Variants in CNTNAP5 observed in about 807,000 individuals in gnomAD.
CNTNAP5 encodes contactin-associated protein-like 5.
Under a neutral mutation model 150.2 loss-of-function variants are expected in CNTNAP5, and 72 were observed. That is an observed-to-expected ratio of 0.48 (90% CI 0.40 to 0.58). CNTNAP5 has a LOEUF of 0.58. CNTNAP5 is among the 20% of genes least tolerant of loss of function. CNTNAP5 has a pLI of 0.00. For synonymous variants in CNTNAP5, 672 were observed against 619.8 expected (o/e 1.08, Z -1.25); for missense variants, 1,636 against 1,626.2 (o/e 1.01, Z -0.10).
intron 6 of CNTNAP5, among the ~76,000 whole-genome samples, chr2:124,473,489 C>G (rs966110857): frequency 6.6e-6 from 1 of 151,908 alleles, no homozygotes; most frequent in Admixed American, 6.6e-5. Flanking sequence ...TATTACACTG[C>G]ATTAAGAAAC....
chr2:124,092,882 A>G (rs1185759802), intron 1 of CNTNAP5, among the ~76,000 whole-genome samples: 2 of 152,220 alleles, frequency 1.3e-5, no homozygotes, highest in Non-Finnish European at 2.9e-5. Flanking sequence ...TGATACAAAC[A>G]ATGAAACAGG....
At chr2:124,042,962 G>A (rs1681423249) in intron 1 of CNTNAP5, among the ~76,000 whole-genome samples, 1 of 152,128 alleles carries the variant, frequency 6.6e-6, no homozygotes, top group South Asian at 2.1e-4. Flanking sequence ...CTTATTTAGA[G>A]CTCAAAGATC....
chr2:124,656,838 A>G (rs576896600), intron 13 of CNTNAP5, among the ~76,000 whole-genome samples: 1 of 152,234 alleles, frequency 6.6e-6, no homozygotes, highest in Admixed American at 6.5e-5. Context: ...GAAGAAGAAT[A>G]CAATGTTCTA....
intron 22 of CNTNAP5, among the ~76,000 whole-genome samples, chr2:124,910,117 A>G (rs985026689): frequency 2.6e-4 from 40 of 152,022 alleles, no homozygotes; most frequent in African/African-American, 9.4e-4. Context: ...TGGACACCAC[A>G]AATGGCATAA....
intron 14 of CNTNAP5, among the ~76,000 whole-genome samples, chr2:124,753,862 T>C (rs935443739): frequency 2.0e-5 from 3 of 152,226 alleles, no homozygotes; most frequent in Non-Finnish European, 2.9e-5. Context: ...AATGATTAAT[T>C]TTTTAAAAAG....
chr2:124,511,928 GTTT>G (rs11301671), intron 8 of CNTNAP5, among the ~76,000 whole-genome samples: 1 of 141,926 alleles, frequency 7.0e-6, no homozygotes, highest in Admixed American at 7.0e-5. Context: ...CCTGAATAGG[GTTT>G]TTTTTTTTTT....
chr2:124,723,703 A>G (rs1037357249), intron 13 of CNTNAP5, among the ~76,000 whole-genome samples: 10 of 152,294 alleles, frequency 6.6e-5, no homozygotes, highest in African/African-American at 2.4e-4. Context: ...TTTGACTTGC[A>G]GATGGCCACC....
intron 13 of CNTNAP5, among the ~76,000 whole-genome samples, chr2:124,735,393 C>A (rs1680360537): frequency 6.6e-6 from 1 of 151,726 alleles, no homozygotes; most frequent in Admixed American, 6.6e-5. Context: ...TTCATAGAAA[C>A]CATGATACTT....
At chr2:124,739,660 G>A (rs1051867908) in intron 13 of CNTNAP5, among the ~76,000 whole-genome samples, 6 of 152,050 alleles carry the variant, frequency 3.9e-5, no homozygotes, top group East Asian at 1.9e-4. Context: ...TCCTAAAGAC[G>A]ACTGCGGTGA....
At chr2:124,632,249 G>C (rs4848955) in intron 12 of CNTNAP5, among the ~76,000 whole-genome samples, 62,955 of 151,632 alleles carry the variant, frequency 0.42, 15,303 homozygotes, top group Non-Finnish European at 0.56. Context: ...AGTTACATGC[G>C]TGCATATGTT....
chr2:124,239,498 C>T (rs894817501), intron 2 of CNTNAP5, among the ~76,000 whole-genome samples: 1 of 152,092 alleles, frequency 6.6e-6, no homozygotes, highest in Admixed American at 6.6e-5. Context: ...TGTACATATT[C>T]TTTACGCAAT....
intron 3 of CNTNAP5, among the ~76,000 whole-genome samples, chr2:124,276,049 G>A (rs1217043600): frequency 6.6e-6 from 1 of 152,042 alleles, no homozygotes; most frequent in African/African-American, 2.4e-5. Context: ...AGTACTATGA[G>A]ATTTCTCAGA....
chr2:124,089,853 G>C (rs1289778434), intron 1 of CNTNAP5, among the ~76,000 whole-genome samples: 1 of 152,228 alleles, frequency 6.6e-6, no homozygotes, highest in Non-Finnish European at 1.5e-5. Context: ...TATTATCCTA[G>C]CTGTTCTAGC....
intron 3 of CNTNAP5, among the ~76,000 whole-genome samples, chr2:124,358,158 C>T (rs1237449586): frequency 6.6e-6 from 1 of 152,112 alleles, no homozygotes; most frequent in Admixed American, 6.5e-5. Context: ...GATTTTGTAT[C>T]GTGAGACTCT....
intron 16 of CNTNAP5, among the ~76,000 whole-genome samples, chr2:124,770,364 G>A (rs1268923608): frequency 4.6e-5 from 7 of 152,102 alleles, no homozygotes; most frequent in Non-Finnish European, 1.0e-4. Flanking sequence ...CTATTATGGA[G>A]GTTGTGGTCA....
intron 1 of CNTNAP5, among the ~76,000 whole-genome samples, chr2:124,086,632 T>C (rs1465752741): frequency 1.3e-5 from 2 of 151,670 alleles, no homozygotes; most frequent in African/African-American, 4.9e-5. Context: ...ATATCTTATC[T>C]TCTAAGTTTC....
chr2:124,791,359 A>C (rs767952367), intron 18 of CNTNAP5, among the ~76,000 whole-genome samples: 3 of 152,194 alleles, frequency 2.0e-5, no homozygotes, highest in Non-Finnish European at 4.4e-5. Flanking sequence ...GGCTAACCGC[A>C]TGGAAGCTTA....
intron 11 of CNTNAP5, among the ~76,000 whole-genome samples, chr2:124,568,021 A>T (rs1195814212): frequency 1.3e-5 from 2 of 152,192 alleles, no homozygotes; most frequent in Non-Finnish European, 2.9e-5. Context: ...AAATGGTAGA[A>T]GTTGGGCTTT....
intron 13 of CNTNAP5, among the ~76,000 whole-genome samples, chr2:124,712,739 C>G (rs908991205): frequency 5.4e-5 from 8 of 149,400 alleles, no homozygotes; most frequent in Non-Finnish European, 1.2e-4. Flanking sequence ...CCAGAGCACT[C>G]TCAGCCTTTT....
Sources: gnomAD v4.1 joint callset for allele counts (sites outside exome capture counted in the v4.1 genomes callset) on GRCh38, gnomAD v4.1.1 for gene constraint, MANE v1.5 for transcripts, NCBI Gene and HGNC (gene_info 2026-07-23, HGNC 2026-07-21) for gene names.